BACH2: variants seen among roughly 807,000 people sequenced by gnomAD.
BACH2 encodes transcription regulator protein BACH2.
In BACH2, 5 loss-of-function variants were observed where a neutral mutation model predicts 61.8. That is an observed-to-expected ratio of 0.08 (90% CI 0.04 to 0.17). The LOEUF is 0.17. BACH2 is among the 10% of genes least tolerant of loss of function. The pLI is 1.00. For missense variants in BACH2, 824 were observed against 1,091.1 expected (o/e 0.76, Z 3.45); for synonymous variants, 446 against 440.1 (o/e 1.01, Z -0.17).
chr6:90,132,006 T>C (rs1317101391), intron 4 of BACH2, among the ~76,000 whole-genome samples: 2 of 152,226 alleles, frequency 1.3e-5, no homozygotes, highest in African/African-American at 4.8e-5. Context: ...TTGCTGATGA[T>C]GGACATAACC....
intron 4 of BACH2, among the ~76,000 whole-genome samples, chr6:90,200,924 A>T (rs1420270315): frequency 2.0e-5 from 3 of 152,240 alleles, no homozygotes; most frequent in Non-Finnish European, 4.4e-5. Flanking sequence ...GATAATGCTC[A>T]TAATATGTTG....
intron 1 of BACH2, among the ~76,000 whole-genome samples, chr6:90,288,658 T>C (rs1271160130): frequency 1.3e-5 from 2 of 152,238 alleles, no homozygotes; most frequent in Non-Finnish European, 2.9e-5. Flanking sequence ...AGTTGCAACA[T>C]GCTAATCTGG....
At chr6:90,261,010 T>C (rs1484907898) in intron 2 of BACH2, among the ~76,000 whole-genome samples, 1 of 152,218 alleles carries the variant, frequency 6.6e-6, no homozygotes, top group Non-Finnish European at 1.5e-5. Context: ...TGGCAATTTG[T>C]AGTTTAGTAC....
intron 5 of BACH2, among the ~76,000 whole-genome samples, chr6:90,088,293 G>T (rs1782017805): frequency 6.6e-6 from 1 of 152,148 alleles, no homozygotes; most frequent in Non-Finnish European, 1.5e-5. Context: ...CTAAAAGCAT[G>T]ATGAGCACAC....
At chr6:90,189,235 T>G (rs1768468818) in intron 4 of BACH2, among the ~76,000 whole-genome samples, 1 of 152,240 alleles carries the variant, frequency 6.6e-6, no homozygotes, top group African/African-American at 2.4e-5. Context: ...GAGACAGTCT[T>G]TGTTTAAATT....
At chr6:90,016,869 G>A (rs1392121208) in intron 5 of BACH2, among the ~76,000 whole-genome samples, 1 of 148,246 alleles carries the variant, frequency 6.7e-6, no homozygotes, top group Non-Finnish European at 1.5e-5. Context: ...CACCTGCATT[G>A]TTTCCAGTGA....
chr6:90,113,577 C>T (rs1157826742), intron 4 of BACH2, among the ~76,000 whole-genome samples: 1 of 152,046 alleles, frequency 6.6e-6, no homozygotes, highest in Non-Finnish European at 1.5e-5. Flanking sequence ...CTCTGGGACA[C>T]AGCTAAGGCA....
At chr6:90,095,706 C>T (rs1332837036) in intron 4 of BACH2, among the ~76,000 whole-genome samples, 3 of 152,100 alleles carry the variant, frequency 2.0e-5, no homozygotes, top group Non-Finnish European at 4.4e-5. Flanking sequence ...TTTCTGCAGA[C>T]TTTATACATA....
intron 4 of BACH2, among the ~76,000 whole-genome samples, chr6:90,196,598 A>G (rs1768766124): frequency 6.6e-6 from 1 of 152,222 alleles, no homozygotes; most frequent in African/African-American, 2.4e-5. Context: ...TGGATTTAAG[A>G]AATAACAAGA....
At chr6:90,262,847 T>G (rs1007505838) in intron 2 of BACH2, among the ~76,000 whole-genome samples, 6 of 152,178 alleles carry the variant, frequency 3.9e-5, no homozygotes, top group Admixed American at 1.3e-4. Flanking sequence ...AAACTAGAGT[T>G]CACATTTCAC....
intron 6 of BACH2, among the ~76,000 whole-genome samples, chr6:89,965,405 C>G (rs1370859811): frequency 1.3e-5 from 2 of 152,220 alleles, no homozygotes; most frequent in Non-Finnish European, 2.9e-5. Flanking sequence ...ACTGTAACTT[C>G]TTGATTTATC....
chr6:90,180,880 C>A (rs879660503), intron 4 of BACH2, among the ~76,000 whole-genome samples: 3 of 152,000 alleles, frequency 2.0e-5, no homozygotes, highest in Non-Finnish European at 4.4e-5. Flanking sequence ...CACACACACA[C>A]ACACACACAC....
intron 4 of BACH2, among the ~76,000 whole-genome samples, chr6:90,193,294 T>C (rs1768639289): frequency 6.6e-6 from 1 of 152,172 alleles, no homozygotes; most frequent in Admixed American, 6.5e-5. Flanking sequence ...AATGAGGTCA[T>C]ACTGGAAGAG....
intron 5 of BACH2, among the ~76,000 whole-genome samples, chr6:90,053,472 G>A (rs572840001): frequency 6.6e-6 from 1 of 151,992 alleles, no homozygotes. Context: ...TGTAGAGCTA[G>A]GGTCTCACTG....
At chr6:90,047,910 C>G (rs1351596922) in intron 5 of BACH2, among the ~76,000 whole-genome samples, 2 of 152,120 alleles carry the variant, frequency 1.3e-5, no homozygotes, top group Non-Finnish European at 2.9e-5. Context: ...AATCTAGGGG[C>G]TCCCCTGAAA....
At chr6:90,073,985 A>T (rs932065105) in intron 5 of BACH2, among the ~76,000 whole-genome samples, 1 of 152,202 alleles carries the variant, frequency 6.6e-6, no homozygotes, top group Non-Finnish European at 1.5e-5. Flanking sequence ...CAGGTGAAGG[A>T]GGGAAGAGGT....
chr6:89,978,201 A>G (rs1775759245), intron 6 of BACH2, among the ~76,000 whole-genome samples: 2 of 152,220 alleles, frequency 1.3e-5, no homozygotes, highest in African/African-American at 4.8e-5. Flanking sequence ...AGACAAATTA[A>G]TCAAACTGAC....
In BACH2 at chr6:90,010,670, T is replaced by C. The variant is rs1037979276; in HGVS notation, c.-12-1814A>G. ...GCATAACTTTTAAAGAGTCTGCCAC[T>C]GTTTTCTAAAGTGGCTGTAACATTT... is the stretch of plus-strand genomic sequence containing the variant. On this transcript the variant is annotated intron_variant, in intron 5 of 8. Coordinates refer to ENST00000257749, the MANE Select transcript of BACH2 (RefSeq NM_021813.4). Among the ~76,000 whole-genome samples the C allele has an allele frequency of 2.0e-5, 3 of 152,240 alleles. No homozygotes were observed. In the South Asian group the frequency reaches 6.2e-4, roughly 32 times the overall value.
chr6:90,022,105 T>G (rs531324492), intron 5 of BACH2, among the ~76,000 whole-genome samples: 1 of 152,346 alleles, frequency 6.6e-6, no homozygotes, highest in South Asian at 2.1e-4. Flanking sequence ...ACTGCACTGC[T>G]GAAAAATATA....
Sources: gnomAD v4.1 joint callset for allele counts (sites outside exome capture counted in the v4.1 genomes callset) on GRCh38, gnomAD v4.1.1 for gene constraint, MANE v1.5 for transcripts, NCBI Gene and HGNC (gene_info 2026-07-23, HGNC 2026-07-21) for gene names.